Variants in LRMDA observed in about 807,000 individuals in gnomAD.
LRMDA encodes leucine-rich melanocyte differentiation-associated protein.
LRMDA carries 18 observed loss-of-function variants against 29.8 expected under a neutral mutation model. The ratio of observed to expected loss-of-function variants is 0.60; its 90% CI spans 0.42 to 0.90. The LOEUF is 0.90. LRMDA is among the 40% of genes least tolerant of loss of function. LRMDA has a pLI of 0.00. For missense variants in LRMDA, 273 were observed against 273.9 expected (o/e 1.00, Z 0.02); for synonymous variants, 125 against 109.4 (o/e 1.14, Z -0.89).
At chr10:75,611,444 C>T (rs949105434) in intron 2 of LRMDA, among the ~76,000 whole-genome samples, 3 of 152,152 alleles carry the variant, frequency 2.0e-5, no homozygotes, top group Non-Finnish European at 4.4e-5. Flanking sequence ...GTAACCGTTA[C>T]AACCATCCAT....
chr10:76,439,088 T>C (rs895726842), intron 6 of LRMDA, among the ~76,000 whole-genome samples: 4 of 152,232 alleles, frequency 2.6e-5, no homozygotes, highest in Non-Finnish European at 4.4e-5. Flanking sequence ...TGAGTGAAAT[T>C]AATTTTTGGC....
chr10:76,124,634 C>T (rs1392180100), intron 5 of LRMDA, among the ~76,000 whole-genome samples: 2 of 152,252 alleles, frequency 1.3e-5, no homozygotes, highest in Non-Finnish European at 2.9e-5. Flanking sequence ...GACTTAGGCC[C>T]CTGTGGGTGT....
chr10:76,015,072 G>T (rs1383343253), intron 2 of LRMDA, among the ~76,000 whole-genome samples: 3 of 152,220 alleles, frequency 2.0e-5, no homozygotes, highest in African/African-American at 7.2e-5. Context: ...TCTTCAGTTA[G>T]TTAAGTTTGA....
At chr10:76,078,167 G>C (rs988357875) in intron 5 of LRMDA, among the ~76,000 whole-genome samples, 9 of 151,268 alleles carry the variant, frequency 5.9e-5, no homozygotes, top group African/African-American at 2.2e-4. Flanking sequence ...TCCACCACGA[G>C]TCCGGCTAAT....
intron 2 of LRMDA, among the ~76,000 whole-genome samples, chr10:75,507,666 G>T (rs1225138055): frequency 6.6e-6 from 1 of 152,120 alleles, no homozygotes; most frequent in African/African-American, 2.4e-5. Flanking sequence ...CCTTCTTAAT[G>T]ACTTATTTGT....
intron 5 of LRMDA, among the ~76,000 whole-genome samples, chr10:76,088,249 G>A (rs1227251106): frequency 6.6e-6 from 1 of 152,188 alleles, no homozygotes; most frequent in African/African-American, 2.4e-5. Context: ...GGTCACAGCA[G>A]AGAGGACAGG....
intron 6 of LRMDA, among the ~76,000 whole-genome samples, chr10:76,481,130 A>G (rs1842729527): frequency 6.6e-6 from 1 of 151,930 alleles, no homozygotes; most frequent in African/African-American, 2.4e-5. Flanking sequence ...GGACTTCTAG[A>G]TTTCCTCCTG....
intron 6 of LRMDA, among the ~76,000 whole-genome samples, chr10:76,325,831 A>G (rs1366006840): frequency 6.6e-6 from 1 of 152,202 alleles, no homozygotes; most frequent in African/African-American, 2.4e-5. Context: ...GGAATAGGGC[A>G]AATATCATCT....
chr10:75,787,895 G>C (rs1481285465), intron 2 of LRMDA, among the ~76,000 whole-genome samples: 1 of 152,170 alleles, frequency 6.6e-6, no homozygotes, highest in South Asian at 2.1e-4. Flanking sequence ...TGGGCATGGT[G>C]GTGGGCACCT....
intron 2 of LRMDA, among the ~76,000 whole-genome samples, chr10:75,558,596 A>T (rs1035271794): frequency 2.0e-5 from 3 of 150,732 alleles, no homozygotes; most frequent in Non-Finnish European, 4.4e-5. Flanking sequence ...TTAGTTACAT[A>T]TGTATACATG....
chr10:75,812,361 T>A (rs969415866), intron 2 of LRMDA, among the ~76,000 whole-genome samples: 7 of 152,094 alleles, frequency 4.6e-5, no homozygotes, highest in Admixed American at 1.3e-4. Context: ...TGGTATAAAT[T>A]AGCACGTACA....
intron 5 of LRMDA, among the ~76,000 whole-genome samples, chr10:76,245,957 C>T (rs905259823): frequency 2.1e-4 from 32 of 152,280 alleles, no homozygotes; most frequent in African/African-American, 7.2e-4. Flanking sequence ...ATTAGAGATA[C>T]GATACTAGCA....
chr10:75,922,704 A>G (rs1846046491), intron 2 of LRMDA, among the ~76,000 whole-genome samples: 1 of 152,192 alleles, frequency 6.6e-6, no homozygotes, highest in South Asian at 2.1e-4. Context: ...GAGACCTCAG[A>G]ATCCTTCTCA....
intron 5 of LRMDA, among the ~76,000 whole-genome samples, chr10:76,082,303 TGCCTCAG>T (rs1311192317): frequency 6.6e-6 from 1 of 152,164 alleles, no homozygotes; most frequent in East Asian, 1.9e-4. Context: ...ATTGTACCCT[TGCCTCAG>T]GCTTGATTTC....
rs181888569 is a variant in LRMDA, at chr10:76,347,628, C to T, written c.601+23143C>T. On this transcript the variant is annotated intron_variant, in intron 6 of 6. Transcript: ENST00000611255. The stretch of plus-strand genomic sequence containing the variant: ...GGGAAAATAGACCCCTAAAAATCAC[C>T]GAGTGCAGCACTGGAAAAATTCCTT... Among the ~76,000 whole-genome samples, 13 of 152,206 alleles carry T rather than the reference C, an allele frequency of 8.5e-5. No individual in the cohort carries two copies. In the East Asian group the frequency reaches 1.5e-3, roughly 18 times the overall value.
intron 6 of LRMDA, among the ~76,000 whole-genome samples, chr10:76,483,525 A>G (rs555600284): frequency 1.3e-5 from 2 of 151,872 alleles, no homozygotes; most frequent in African/African-American, 4.8e-5. Context: ...AATCTGAATG[A>G]TCTCCGGGGC....
intron 2 of LRMDA, among the ~76,000 whole-genome samples, chr10:75,994,054 G>A (rs771151359): frequency 1.3e-5 from 2 of 152,066 alleles, no homozygotes; most frequent in Non-Finnish European, 2.9e-5. Context: ...AAACCCCTAA[G>A]GCCTATCTAT....
intron 6 of LRMDA, among the ~76,000 whole-genome samples, chr10:76,482,080 T>G (rs1842738121): frequency 6.6e-6 from 1 of 151,898 alleles, no homozygotes; most frequent in South Asian, 2.1e-4. Flanking sequence ...TCTTCATATA[T>G]TTTCCTTCTT....
At chr10:75,862,755 G>A (rs766518261) in intron 2 of LRMDA, among the ~76,000 whole-genome samples, 1 of 152,172 alleles carries the variant, frequency 6.6e-6, no homozygotes, top group African/African-American at 2.4e-5. Flanking sequence ...ATGATCAGAA[G>A]TATTCTAAAT....
Sources: allele counts gnomAD v4.1 joint callset (sites outside exome capture counted in the v4.1 genomes callset), GRCh38; gene constraint gnomAD v4.1.1; transcripts MANE v1.5; gene names NCBI Gene and HGNC (gene_info 2026-07-23, HGNC 2026-07-21).